Variants in TNNI3K observed in about 807,000 individuals in gnomAD.
TNNI3K encodes the protein serine/threonine-protein kinase TNNI3K.
A neutral mutation model predicts 114.5 loss-of-function variants in TNNI3K; 140 were observed. The observed-to-expected ratio is 1.22, with a 90% CI of 1.07 to 1.41. TNNI3K has a LOEUF of 1.41. Among genes scored for constraint, TNNI3K ranks in the 40% most tolerant of loss-of-function variants. The probability of loss-of-function intolerance (pLI) is 0.00; values close to 1 mark genes in which losing one functional copy is unlikely to be tolerated. For missense variants in TNNI3K, 1,125 were observed against 1,007.6 expected (o/e 1.12, Z -1.58); for synonymous variants, 347 against 347.5 (o/e 1.00, Z 0.02).
intron 11 of TNNI3K, 24 bp downstream of exon 11, chr1:74,354,153 C>G: frequency 1.9e-6 from 3 of 1,613,458 alleles, no homozygotes; most frequent in Non-Finnish European, 2.5e-6. Flanking sequence ...CATCGTGTCT[C>G]TATAGTGATA....
intron 5 of TNNI3K, among the ~76,000 whole-genome samples, chr1:74,316,470 T>C (rs933709541): frequency 5.3e-5 from 8 of 152,116 alleles, no homozygotes; most frequent in African/African-American, 9.7e-5. Flanking sequence ...CAACCTTAAG[T>C]TTCGTAAGCA....
At chr1:74,400,265 A>C (rs1259088455) in intron 17 of TNNI3K, among the ~76,000 whole-genome samples, 1 of 152,052 alleles carries the variant, frequency 6.6e-6, no homozygotes, top group African/African-American at 2.4e-5. Flanking sequence ...ACCCAAACCC[A>C]CCTAGGATTA....
At chr1:74,502,241 T>C (rs1669670257) in intron 23 of TNNI3K, among the ~76,000 whole-genome samples, 2 of 152,190 alleles carry the variant, frequency 1.3e-5, no homozygotes, top group African/African-American at 4.8e-5. Context: ...AAAATGTCTC[T>C]CCTTTTGCTG....
At chr1:74,411,398 A>T (rs1475638298) in intron 17 of TNNI3K, among the ~76,000 whole-genome samples, 3 of 152,182 alleles carry the variant, frequency 2.0e-5, no homozygotes, top group African/African-American at 7.2e-5. Flanking sequence ...GTAAGTATCA[A>T]CCTGAGATAA....
At chr1:74,387,046 A>G (rs1485223684) in intron 17 of TNNI3K, among the ~76,000 whole-genome samples, 1 of 152,212 alleles carries the variant, frequency 6.6e-6, no homozygotes, top group East Asian at 1.9e-4. Flanking sequence ...TATATTATCT[A>G]TATTCATTCT....
chr1:74,523,168 T>C (rs1318089855), intron 23 of TNNI3K, among the ~76,000 whole-genome samples: 2 of 152,178 alleles, frequency 1.3e-5, no homozygotes, highest in Non-Finnish European at 2.9e-5. Flanking sequence ...AAGAAAACAA[T>C]ATATATAATA....
chr1:74,282,858 G>A (rs1350429004), intron 5 of TNNI3K, among the ~76,000 whole-genome samples: 2 of 152,130 alleles, frequency 1.3e-5, no homozygotes, highest in African/African-American at 4.8e-5. Context: ...TCCTGTTTCT[G>A]TAGGAGACCA....
chr1:74,263,840 A>G lies in TNNI3K; in HGVS notation c.334-7758A>G, dbSNP rs957194895. Among the ~76,000 whole-genome samples, 6 of 152,030 alleles carry G rather than the reference A, an allele frequency of 3.9e-5. No individual in the cohort carries two copies. In the East Asian group the frequency reaches 7.7e-4, roughly 20 times the overall value. ...TATTTAAATGTTATTTTTAAACTTT[A>G]AAATAGATATTATGTTATAGCTAAA... On this transcript the variant is annotated intron_variant, in intron 4 of 24. Transcript: ENST00000326637.
chr1:74,429,703 A>G (rs899179439), intron 17 of TNNI3K, among the ~76,000 whole-genome samples: 3 of 152,138 alleles, frequency 2.0e-5, no homozygotes, highest in Admixed American at 2.0e-4. Context: ...TCAGGTTTGA[A>G]TGATTGCCTG....
intron 5 of TNNI3K, among the ~76,000 whole-genome samples, chr1:74,317,762 G>A (rs1202460655): frequency 1.3e-5 from 2 of 152,118 alleles, no homozygotes; most frequent in African/African-American, 4.8e-5. Context: ...TGGGTAGTGG[G>A]AATAGAGTCT....
At chr1:74,389,981 C>T (rs1663680470) in intron 17 of TNNI3K, among the ~76,000 whole-genome samples, 1 of 152,054 alleles carries the variant, frequency 6.6e-6, no homozygotes, top group South Asian at 2.1e-4. Context: ...TATCAGTTAC[C>T]TTAAAAAATC....
At chr1:74,453,907 A>G (rs889010480) in intron 20 of TNNI3K, among the ~76,000 whole-genome samples, 9 of 152,202 alleles carry the variant, frequency 5.9e-5, no homozygotes, top group Non-Finnish European at 1.5e-5. Context: ...TCATTAATTA[A>G]GAAATCTATA....
intron 3 of TNNI3K, among the ~76,000 whole-genome samples, chr1:74,249,959 C>G (rs1049411757): frequency 1.3e-5 from 2 of 152,168 alleles, no homozygotes; most frequent in South Asian, 4.1e-4. Flanking sequence ...GAAGATTGAT[C>G]GAAGTGAAGA....
At chr1:74,497,798 A>G (rs992877184) in intron 23 of TNNI3K, among the ~76,000 whole-genome samples, 4 of 152,164 alleles carry the variant, frequency 2.6e-5, no homozygotes, top group African/African-American at 9.7e-5. Context: ...ATTTGCATTA[A>G]AACCTTCAAT....
chr1:74,542,171 A>G (rs972520283), intron 24 of TNNI3K, among the ~76,000 whole-genome samples: 1 of 152,214 alleles, frequency 6.6e-6, no homozygotes, highest in Admixed American at 6.5e-5. Context: ...TCAATGCCTT[A>G]CTGATTTTGC....
intron 11 of TNNI3K, among the ~76,000 whole-genome samples, chr1:74,365,630 A>G (rs1662229017): frequency 6.6e-6 from 1 of 151,992 alleles, no homozygotes. Flanking sequence ...TAAACATGTT[A>G]TGTTTGCTCC....
At chr1:74,258,200 T>C (rs1655447806) in intron 4 of TNNI3K, among the ~76,000 whole-genome samples, 1 of 152,184 alleles carries the variant, frequency 6.6e-6, no homozygotes, top group African/African-American at 2.4e-5. Context: ...TTCCAGAATC[T>C]TTCTCTGTGC....
chr1:74,419,852 G>A (rs973194574), intron 17 of TNNI3K, among the ~76,000 whole-genome samples: 1 of 152,030 alleles, frequency 6.6e-6, no homozygotes, highest in African/African-American at 2.4e-5. Flanking sequence ...ACATCTCTGG[G>A]ATGACTATGA....
chr1:74,508,386 T>C (rs1283474897), intron 23 of TNNI3K, among the ~76,000 whole-genome samples: 2 of 152,212 alleles, frequency 1.3e-5, no homozygotes, highest in East Asian at 3.8e-4. Flanking sequence ...TTAATCTTCA[T>C]AAAAATAAAG....
Sources: gnomAD v4.1 joint callset for allele counts (sites outside exome capture counted in the v4.1 genomes callset) on GRCh38, gnomAD v4.1.1 for gene constraint, MANE v1.5 for transcripts, NCBI Gene and HGNC (gene_info 2026-07-23, HGNC 2026-07-21) for gene names.